Variants in TSNARE1 observed in about 807,000 individuals in gnomAD.
TSNARE1 encodes t-SNARE domain containing 1.
Under a neutral mutation model 62.0 loss-of-function variants are expected in TSNARE1, and 49 were observed. That is an observed-to-expected ratio of 0.79 (90% CI 0.63 to 1.00). TSNARE1 has a LOEUF of 1.00. Ranked by LOEUF, TSNARE1 falls within the 50% of genes least tolerant of loss-of-function variation. TSNARE1 has a pLI of 0.00. For missense variants in TSNARE1, 755 were observed against 700.1 expected (o/e 1.08, Z -0.88); for synonymous variants, 328 against 294.4 (o/e 1.11, Z -1.17).
At position 142,273,162 on chromosome 8, in the gene TSNARE1, T is replaced by A. The variant is rs1237465272; in HGVS notation, c.1446+1619A>T. 9 of 985,262 alleles carry A rather than the reference T, an allele frequency of 9.1e-6. No homozygotes were observed. The East Asian group carries it at 9.1e-4, about 99-fold the overall frequency. 61.0% of individuals were successfully genotyped at this position (985,262 alleles called of 1,614,324 possible). ...TCCATGGCACAGGTGGCTGGCCCAG[T>A]TGCCACTGCCCTCCTTTCCTCCTCC... On this transcript the variant is annotated intron_variant, in intron 12 of 13. Coordinates refer to ENST00000524325, the MANE Select transcript of TSNARE1 (RefSeq NM_145003.5).
At chr8:142,244,200 T>G (rs1817785934) in intron 12 of TSNARE1, among the ~76,000 whole-genome samples, 1 of 152,178 alleles carries the variant, frequency 6.6e-6, no homozygotes, top group South Asian at 2.1e-4. Context: ...CTGTCATGAT[T>G]GGTAATAACA....
At position 142,291,385 on chromosome 8, in the gene TSNARE1, G is replaced by C. The variant is rs75361017; in HGVS notation, c.1291-6900C>G. ...CCGTCATCTCTGACAAAATCAGAAC[G>C]TAGGAGTGTTCACTCTCACAGAGCT... On this transcript the variant is annotated intron_variant, in intron 10 of 13. Coordinates refer to ENST00000524325, the MANE Select transcript of TSNARE1 (RefSeq NM_145003.5). The surrounding 1 kb of genome is among the most constrained non-coding windows in gnomAD (Gnocchi z 4.8). 0.019 allele frequency among the ~76,000 whole-genome samples: 2,956 copies of C among 152,224 alleles called. 34 individuals are homozygous for C. Among genetic ancestry groups the C allele is most frequent in the East Asian group, 0.039 (202 of 5,134 alleles).
chr8:142,311,290 G>GTTTTTTTTTTTTTGTTTTTTT (rs1827550778), intron 9 of TSNARE1, among the ~76,000 whole-genome samples: 2 of 57,334 alleles, frequency 3.5e-5, no homozygotes, highest in Non-Finnish European at 5.8e-5. Flanking sequence ...AGCCTCTCTA[G>GTTTTTTTTTTTTTGTTTTTTT]TTTTTTTTTT....
At chr8:142,383,633 A>G (rs1357706230) in intron 1 of TSNARE1, among the ~76,000 whole-genome samples, 1 of 152,198 alleles carries the variant, frequency 6.6e-6, no homozygotes, top group Non-Finnish European at 1.5e-5. Flanking sequence ...GGCAGGGGGC[A>G]GGAGTGTGGA....
chr8:142,275,315 G>C (rs2130621301), intron 11 of TSNARE1: 1 of 985,444 alleles, frequency 1.0e-6, no homozygotes, highest in South Asian at 4.7e-5. Context: ...GCAAGCACAG[G>C]GCTCTGGTTT....
chr8:142,343,875 G>C, intron 4 of TSNARE1, 91 bp downstream of exon 4: 1 of 1,259,738 alleles, frequency 7.9e-7, no homozygotes, highest in Non-Finnish European at 1.0e-6. Flanking sequence ...TCACTGTGGA[G>C]GAAGATGCAG....
intron 1 of TSNARE1, among the ~76,000 whole-genome samples, chr8:142,371,002 A>G (rs941491140): frequency 2.0e-5 from 3 of 152,210 alleles, no homozygotes; most frequent in African/African-American, 7.2e-5. Flanking sequence ...GTATAAAAAC[A>G]CTACACTTCA....
chr8:142,303,552 G>A (rs913651122), intron 9 of TSNARE1, among the ~76,000 whole-genome samples: 1 of 152,214 alleles, frequency 6.6e-6, no homozygotes. Context: ...CACCCATGGG[G>A]GGCCCATGGT....
At chr8:142,371,984 T>G (rs1305801946) in intron 1 of TSNARE1, among the ~76,000 whole-genome samples, 1 of 152,180 alleles carries the variant, frequency 6.6e-6, no homozygotes, top group Non-Finnish European at 1.5e-5. Context: ...ATTTACAGTC[T>G]GGCCCTTTCC....
intron 11 of TSNARE1, chr8:142,277,884 A>G: frequency 1.0e-6 from 1 of 985,342 alleles, no homozygotes; most frequent in Non-Finnish European, 1.2e-6. Flanking sequence ...GGGCCACACC[A>G]GTGCCACCCC....
chr8:142,289,413 C>G (rs1215049500), intron 10 of TSNARE1, among the ~76,000 whole-genome samples: 1 of 152,212 alleles, frequency 6.6e-6, no homozygotes, highest in Non-Finnish European at 1.5e-5. Context: ...TCCCTGCTCC[C>G]CAGCCTGAGG....
At chr8:142,352,885 A>C (rs933001778) in intron 2 of TSNARE1, among the ~76,000 whole-genome samples, 2 of 152,168 alleles carry the variant, frequency 1.3e-5, no homozygotes, top group Non-Finnish European at 2.9e-5. Flanking sequence ...GTTAGATCTG[A>C]ACCTGTGTCT....
chr8:142,321,015 G>C (rs1829409462), intron 6 of TSNARE1, among the ~76,000 whole-genome samples: 1 of 152,182 alleles, frequency 6.6e-6, no homozygotes, highest in Admixed American at 6.5e-5. Context: ...CACCATGCAG[G>C]ATCAAAGTGA....
chr8:142,357,590 G>A (rs1834847994), intron 1 of TSNARE1, among the ~76,000 whole-genome samples: 1 of 152,294 alleles, frequency 6.6e-6, no homozygotes, highest in African/African-American at 2.4e-5. Flanking sequence ...CGGAACCCAG[G>A]GAGAGTCAAG....
chr8:142,228,207 T>C (rs1279798292), intron 13 of TSNARE1, among the ~76,000 whole-genome samples: 2 of 152,224 alleles, frequency 1.3e-5, no homozygotes, highest in African/African-American at 4.8e-5. Flanking sequence ...CTTCCAAATC[T>C]TGACTCACAG....
chr8:142,236,866 C>T (rs187148528), intron 12 of TSNARE1, among the ~76,000 whole-genome samples: 8 of 152,308 alleles, frequency 5.3e-5, no homozygotes, highest in Non-Finnish European at 7.4e-5. Flanking sequence ...CCCGCCCTGG[C>T]GCAGACACAG....
intron 11 of TSNARE1, chr8:142,275,634 C>T (rs532763238): frequency 2.7e-5 from 27 of 985,450 alleles, no homozygotes; most frequent in Admixed American, 1.2e-4. Flanking sequence ...CGAGCAAACA[C>T]GAGCACGGGC....
chr8:142,350,642 C>G (rs1833980715), intron 2 of TSNARE1, among the ~76,000 whole-genome samples: 1 of 152,152 alleles, frequency 6.6e-6, no homozygotes, highest in Non-Finnish European at 1.5e-5. Context: ...GGTGAAAGCA[C>G]TGGAAAAGGA....
chr8:142,273,303 G>C, intron 12 of TSNARE1: 2 of 985,436 alleles, frequency 2.0e-6, no homozygotes, highest in Non-Finnish European at 2.4e-6. Context: ...TTGCTGGCTG[G>C]CTTTCCTCTT....
Sources: allele counts gnomAD v4.1 joint callset (sites outside exome capture counted in the v4.1 genomes callset), GRCh38; gene constraint gnomAD v4.1.1; non-coding constraint Gnocchi (gnomAD v3.1); transcripts MANE v1.5; gene names NCBI Gene and HGNC (gene_info 2026-07-23, HGNC 2026-07-21).